The following RSRC1 variants were observed in gnomAD, a reference collection of about 807,000 sequenced individuals.
RSRC1 encodes the protein serine/Arginine-related protein 53.
In RSRC1, 39 loss-of-function variants were observed where a neutral mutation model predicts 49.1. The observed-to-expected ratio is 0.79, with a 90% CI of 0.61 to 1.04. The LOEUF (loss-of-function observed/expected upper bound fraction) is 1.04, where lower values mean the gene tolerates loss of function less well. Ranked by LOEUF, RSRC1 falls within the 50% of genes least tolerant of loss-of-function variation. The probability of loss-of-function intolerance (pLI) is 0.00; values close to 1 mark genes in which losing one functional copy is unlikely to be tolerated. For synonymous variants in RSRC1, 143 were observed against 130.8 expected (o/e 1.09, Z -0.63); for missense variants, 388 against 402.4 (o/e 0.96, Z 0.31).
intron 7 of RSRC1, among the ~76,000 whole-genome samples, chr3:158,468,227 C>T (rs1350899247): frequency 6.6e-6 from 1 of 152,196 alleles, no homozygotes; most frequent in African/African-American, 2.4e-5. Flanking sequence ...GCCACCGCGC[C>T]CGGCCAGAAA....
chr3:158,260,557 G>A (rs976289067), intron 4 of RSRC1, among the ~76,000 whole-genome samples: 1 of 152,096 alleles, frequency 6.6e-6, no homozygotes, highest in East Asian at 1.9e-4. Context: ...ACTTCCTTGG[G>A]CATCCTGGCT....
At chr3:158,176,421 C>A (rs549123361) in intron 3 of RSRC1, among the ~76,000 whole-genome samples, 29 of 152,204 alleles carry the variant, frequency 1.9e-4, no homozygotes, top group African/African-American at 7.0e-4. Context: ...GCTACAGTAA[C>A]CAAAAAGCAT....
chr3:158,318,123 A>G (rs1553785381), intron 5 of RSRC1, among the ~76,000 whole-genome samples: 1 of 152,000 alleles, frequency 6.6e-6, no homozygotes, highest in Non-Finnish European at 1.5e-5. Flanking sequence ...GCCCAAGGCA[A>G]TTCTTCTTCC....
At chr3:158,125,763 C>G (rs1024094977) in intron 3 of RSRC1, among the ~76,000 whole-genome samples, 5 of 152,002 alleles carry the variant, frequency 3.3e-5, no homozygotes, top group Non-Finnish European at 5.9e-5. Context: ...TTCAGGTCCT[C>G]TTATGTCTTA....
At chr3:158,258,021 G>C (rs1016171527) in intron 4 of RSRC1, among the ~76,000 whole-genome samples, 1 of 151,922 alleles carries the variant, frequency 6.6e-6, no homozygotes, top group Non-Finnish European at 1.5e-5. Context: ...AAGGTTGTTA[G>C]TATTTTTGAT....
chr3:158,415,023 C>T (rs1237428087), intron 6 of RSRC1, among the ~76,000 whole-genome samples: 2 of 152,098 alleles, frequency 1.3e-5, no homozygotes, highest in Non-Finnish European at 2.9e-5. Flanking sequence ...AATGGATCTT[C>T]TAAAACTCCC....
chr3:158,328,859 C>T lies in RSRC1; in HGVS notation c.532-25998C>T, dbSNP rs147233986. ...TCCAGCTTGGTTCCATTCTCCCCAT[C>T]ACTTTCAGGTACACCAATCAGACGT... On this transcript the variant is annotated intron_variant, in intron 5 of 9. Transcript: ENST00000611884. Among the ~76,000 whole-genome samples, 195 of 152,358 alleles carry T rather than the reference C, an allele frequency of 1.3e-3. 4 individuals carry two copies. In the East Asian group the frequency reaches 0.031, roughly 24 times the overall value.
rs532983235 is a variant in RSRC1 at position 158,259,186 on chromosome 3, G to A, written c.495-38853G>A. On this transcript the variant is annotated intron_variant, in intron 4 of 9. Coordinates refer to ENST00000611884, the MANE Select transcript of RSRC1 (RefSeq NM_001271838.2). ...ATTATTATTGTAGCCTTCACAGTCT[G>A]GACTTGTTTGTATTCATCCTTCTTG... 1.1e-3 allele frequency among the ~76,000 whole-genome samples: 172 copies of A among 152,242 alleles called. 1 individual carries two copies. The highest frequency in any genetic ancestry group is 6.8e-3 in the Middle Eastern group (2 of 294).
chr3:158,191,903 T>G (rs996422393), intron 3 of RSRC1, among the ~76,000 whole-genome samples: 11 of 152,096 alleles, frequency 7.2e-5, no homozygotes, highest in African/African-American at 2.4e-4. Context: ...GTTGTTCATA[T>G]GTCCAGGATG....
In RSRC1 at chr3:158,195,559, A is replaced by G. The variant is rs564392857; in HGVS notation, c.321-7513A>G. Among the ~76,000 whole-genome samples the G allele has an allele frequency of 5.9e-5, 9 of 152,306 alleles. No homozygotes were observed. The East Asian group carries it at 1.7e-3, about 29-fold the overall frequency. On this transcript the variant is annotated intron_variant, in intron 3 of 9. Coordinates refer to ENST00000611884, the MANE Select transcript of RSRC1 (RefSeq NM_001271838.2). ...TGCCATTGCTTTTGGTGTTTTAGAC[A>G]TGAAGTCCTTGCCCATGCCTATGTC...
intron 3 of RSRC1, among the ~76,000 whole-genome samples, chr3:158,147,410 A>C (rs1033570051): frequency 3.3e-5 from 5 of 151,082 alleles, no homozygotes; most frequent in African/African-American, 4.9e-5. Context: ...ATGTTTTGGT[A>C]CTCATCTTCT....
At chr3:158,426,659 A>C (rs1368683168) in intron 6 of RSRC1, among the ~76,000 whole-genome samples, 1 of 151,816 alleles carries the variant, frequency 6.6e-6, no homozygotes, top group African/African-American at 2.4e-5. Context: ...CTTTTTAAAA[A>C]AAATTGAAAA....
chr3:158,222,710 G>C (rs1722295213), intron 4 of RSRC1, among the ~76,000 whole-genome samples: 1 of 151,336 alleles, frequency 6.6e-6, no homozygotes, highest in Non-Finnish European at 1.5e-5. Context: ...CCACTTTGCT[G>C]TATTTACTTC....
chr3:158,461,091 G>T, intron 7 of RSRC1, 88 bp downstream of exon 7: 1 of 877,592 alleles, frequency 1.1e-6, no homozygotes. Context: ...AATGCCTTAA[G>T]GGTTACTTCA....
At chr3:158,333,433 C>A (rs1729676012) in intron 5 of RSRC1, among the ~76,000 whole-genome samples, 1 of 152,096 alleles carries the variant, frequency 6.6e-6, no homozygotes, top group Non-Finnish European at 1.5e-5. Flanking sequence ...TCTCTCAGTA[C>A]AGTATTTAAA....
intron 6 of RSRC1, among the ~76,000 whole-genome samples, chr3:158,388,612 G>GTTTTTTT (rs11354237): frequency 1.4e-5 from 2 of 143,952 alleles, no homozygotes; most frequent in Non-Finnish European, 3.0e-5. Context: ...CGTGTTTTTT[G>GTTTTTTT]TTTTTTTTTT....
intron 4 of RSRC1, among the ~76,000 whole-genome samples, chr3:158,230,483 G>GAAACA (rs931282474): frequency 6.6e-6 from 1 of 151,932 alleles, no homozygotes; most frequent in Admixed American, 6.6e-5. Flanking sequence ...CCTCATTTGG[G>GAAACA]AAACAAAACA....
chr3:158,131,064 C>T (rs1040578781), intron 3 of RSRC1, among the ~76,000 whole-genome samples: 1 of 151,796 alleles, frequency 6.6e-6, no homozygotes, highest in Non-Finnish European at 1.5e-5. Flanking sequence ...GCCTTTTTTC[C>T]TATCTTAGGA....
At chr3:158,183,829 T>A (rs1442782625) in intron 3 of RSRC1, among the ~76,000 whole-genome samples, 1 of 151,980 alleles carries the variant, frequency 6.6e-6, no homozygotes, top group Non-Finnish European at 1.5e-5. Context: ...TGGGGGAGGA[T>A]TGCTTGAGCC....
Sources: gnomAD v4.1 joint callset for allele counts (sites outside exome capture counted in the v4.1 genomes callset) on GRCh38, gnomAD v4.1.1 for gene constraint, MANE v1.5 for transcripts, NCBI Gene and HGNC (gene_info 2026-07-23, HGNC 2026-07-21) for gene names.